Variants in MSI2 observed in about 807,000 individuals in gnomAD.
The protein encoded by MSI2 is RNA-binding protein Musashi homolog 2.
A neutral mutation model predicts 45.6 loss-of-function variants in MSI2; 17 were observed. The ratio of observed to expected loss-of-function variants is 0.37; its 90% CI spans 0.26 to 0.56. MSI2 has a LOEUF of 0.56. Ranked by LOEUF, MSI2 falls within the 20% of genes least tolerant of loss-of-function variation. The probability of loss-of-function intolerance (pLI) is 0.77; values close to 1 mark genes in which losing one functional copy is unlikely to be tolerated. For synonymous variants in MSI2, 156 were observed against 158.2 expected, an observed-to-expected ratio of 0.99 and a Z score of 0.11; for missense variants, 293 against 444.2, an observed-to-expected ratio of 0.66 and a Z score of 3.06.
chr17:57,559,037 G>A (rs1463347308), intron 7 of MSI2, among the ~76,000 whole-genome samples: 3 of 152,144 alleles, frequency 2.0e-5, no homozygotes, highest in Non-Finnish European at 4.4e-5. Context: ...ACTCCAGCCT[G>A]GATGACAAGA....
At position 57,282,835 on chromosome 17, in the gene MSI2, C is replaced by CT. The variant is rs564440544; in HGVS notation, c.312+20656dup. Among the ~76,000 whole-genome samples, 21 of 92,748 alleles carry CT rather than the reference C, an allele frequency of 2.3e-4. 1 individual carries two copies. The highest frequency in any genetic ancestry group is 4.7e-4 in the African/African-American group (11 of 23,428). 60.8% of individuals were successfully genotyped at this position (92,748 alleles called of 152,430 possible). ...CTGGGGTTGGGGGGTGGGGGGCAGACTTTTTTTTTTTTTCAGGGAACTCTG... is the reference window on the plus strand; with the variant it reads ...CTGGGGTTGGGGGGTGGGGGGCAGACTTTTTTTTTTTTTTCAGGGAACTCTG... On this transcript the variant is annotated intron_variant, in intron 5 of 13. Transcript: ENST00000284073.
At chr17:57,256,906 C>T (rs1906786749) in intron 1 of MSI2, 102 bp downstream of exon 1, 1 of 558,032 alleles carries the variant, frequency 1.8e-6, no homozygotes, top group Admixed American at 4.6e-5. Context: ...CGCCCCCCCG[C>T]CTCTCCCGCG....
intron 5 of MSI2, among the ~76,000 whole-genome samples, chr17:57,282,792 G>A (rs9912288): frequency 0.079 from 7,773 of 98,036 alleles, 761 homozygotes; most frequent in African/African-American, 0.26. Flanking sequence ...TCTCTAAAGC[G>A]TTTACTTTAT....
At chr17:57,685,010 TG>T (rs1913834194), downstream of MSI2, among the ~76,000 whole-genome samples, 1 of 152,084 alleles carries the variant, frequency 6.6e-6, no homozygotes, top group Non-Finnish European at 1.5e-5. Flanking sequence ...AGGACCCAGA[TG>T]GTGGAAGGAG....
intron 10 of MSI2, chr17:57,631,859 G>A (rs181669611): frequency 8.0e-4 from 1,297 of 1,611,352 alleles, no homozygotes; most frequent in Non-Finnish European, 1.1e-3. Context: ...GCAAAGTGGG[G>A]GTTGCTACCA....
chr17:57,465,129 T>C (rs2085305717), intron 6 of MSI2, among the ~76,000 whole-genome samples: 1 of 152,186 alleles, frequency 6.6e-6, no homozygotes, highest in African/African-American at 2.4e-5. Flanking sequence ...CTGTTGTATT[T>C]CTATTTAACA....
At chr17:57,370,573 G>A (rs941945231) in intron 5 of MSI2, among the ~76,000 whole-genome samples, 4 of 152,168 alleles carry the variant, frequency 2.6e-5, no homozygotes, top group Non-Finnish European at 4.4e-5. Context: ...AGACTCCTGG[G>A]ATTCAATGAT....
chr17:57,360,352 C>G (rs1916733517), intron 5 of MSI2, among the ~76,000 whole-genome samples: 1 of 152,224 alleles, frequency 6.6e-6, no homozygotes, highest in East Asian at 1.9e-4. Context: ...ACAGTTTTGC[C>G]TTTTCCTAAC....
At chr17:57,490,346 A>T (rs554626495) in intron 6 of MSI2, among the ~76,000 whole-genome samples, 22 of 152,326 alleles carry the variant, frequency 1.4e-4, no homozygotes, top group African/African-American at 4.8e-4. Flanking sequence ...AAATTTGCCA[A>T]GTGTCTTGAA....
chr17:57,672,120 G>A (rs1912837695), intron 11 of MSI2, among the ~76,000 whole-genome samples: 1 of 152,204 alleles, frequency 6.6e-6, no homozygotes, highest in East Asian at 1.9e-4. Flanking sequence ...ACCCCTGGCT[G>A]GGGGACATCT....
chr17:57,660,987 C>T (rs187129051), intron 11 of MSI2, among the ~76,000 whole-genome samples: 1 of 152,364 alleles, frequency 6.6e-6, no homozygotes, highest in East Asian at 1.9e-4. Flanking sequence ...GCTTTGACAA[C>T]ATTGTCCAGG....
chr17:57,401,985 C>G (rs1005728919), intron 6 of MSI2, among the ~76,000 whole-genome samples: 2 of 152,170 alleles, frequency 1.3e-5, no homozygotes, highest in African/African-American at 4.8e-5. Context: ...ATTCTCTGAC[C>G]TGAATGTCTG....
intron 5 of MSI2, chr17:57,264,938 C>T (rs1018824294): frequency 6.6e-5 from 10 of 152,236 alleles, no homozygotes; most frequent in Non-Finnish European, 4.4e-5. Flanking sequence ...TCATGTTATA[C>T]CAGTGTGTGA....
downstream of MSI2, among the ~76,000 whole-genome samples, chr17:57,685,010 T>A (rs1374448565): frequency 6.6e-6 from 1 of 152,084 alleles, no homozygotes; most frequent in Non-Finnish European, 1.5e-5. Context: ...AGGACCCAGA[T>A]GGTGGAAGGA....
At position 57,483,979 on chromosome 17, in the gene MSI2, A is replaced by G. The variant is rs139501191; in HGVS notation, c.406-45697A>G. On this transcript the variant is annotated intron_variant, in intron 6 of 13. Transcript: ENST00000284073. Reference sequence around the variant, plus strand: ...TAGGGTCCCAGGTCTAGTGGAGAATAAGTATAAAAGGGTGGGTTTGGAACC... The same window carrying G: ...TAGGGTCCCAGGTCTAGTGGAGAATGAGTATAAAAGGGTGGGTTTGGAACC... 1.0e-3 allele frequency among the ~76,000 whole-genome samples: 154 copies of G among 152,336 alleles called. 1 individual carries two copies. In the Middle Eastern group the frequency reaches 0.02, roughly 20 times the overall value.
chr17:57,544,247 T>G lies in MSI2; in HGVS notation c.454+14523T>G, dbSNP rs114291817. Among the ~76,000 whole-genome samples the G allele has an allele frequency of 4.3e-3, 660 of 152,342 alleles. 5 individuals carry two copies. The highest frequency in any genetic ancestry group is 0.014 in the African/African-American group (564 of 41,578). On this transcript the variant is annotated intron_variant, in intron 7 of 13. Coordinates refer to ENST00000284073, the MANE Select transcript of MSI2 (RefSeq NM_138962.4). ...GGATCAAAATAGGAGAGAAGACACCTGCCCCTGTTTTATTTTGCTTTATTT... is the reference window on the plus strand; with the variant it reads ...GGATCAAAATAGGAGAGAAGACACCGGCCCCTGTTTTATTTTGCTTTATTT...
chr17:57,603,601 T>A (rs1906168726), intron 8 of MSI2, among the ~76,000 whole-genome samples: 1 of 152,238 alleles, frequency 6.6e-6, no homozygotes, highest in Admixed American at 6.5e-5. Context: ...TAACTTCACG[T>A]TTCCCCCACT....
intron 5 of MSI2, chr17:57,278,342 T>C (rs1909065482): frequency 6.6e-6 from 1 of 152,372 alleles, no homozygotes; most frequent in African/African-American, 2.4e-5. Context: ...GATGAAGTGC[T>C]CTGCACCACC....
chr17:57,429,968 T>A (rs10853000), intron 6 of MSI2, among the ~76,000 whole-genome samples: 142,287 of 152,304 alleles, frequency 0.93, 67,195 homozygotes, highest in South Asian at 1. Context: ...AAATGGTGAT[T>A]CAGTAGAAAG....
Sources: gnomAD v4.1 joint callset for allele counts (sites outside exome capture counted in the v4.1 genomes callset) on GRCh38, gnomAD v4.1.1 for gene constraint, MANE v1.5 for transcripts, NCBI Gene and HGNC (gene_info 2026-07-23, HGNC 2026-07-21) for gene names.